The following USP34 variants were observed in gnomAD, a reference collection of about 807,000 sequenced individuals.
USP34 encodes the protein ubiquitin specific peptidase 34, also known as ubiquitin carboxyl-terminal hydrolase 34.
USP34 carries 70 observed loss-of-function variants against 460.3 expected under a neutral mutation model. The observed-to-expected ratio is 0.15, with a 90% confidence interval of 0.13 to 0.19. The LOEUF (loss-of-function observed/expected upper bound fraction) is 0.19. Among genes scored for constraint, USP34 ranks in the 10% least tolerant of loss-of-function variants. USP34 has a pLI of 1.00. For missense variants in USP34, 3,985 were observed against 4,236.2 expected, an observed-to-expected ratio of 0.94 and a Z score of 1.65; for synonymous variants, 1,647 against 1,405.3, an observed-to-expected ratio of 1.17 and a Z score of -3.85.
intron 66 of USP34, among the ~76,000 whole-genome samples, chr2:61,221,294 C>T (rs934976207): frequency 1.3e-5 from 2 of 152,106 alleles, no homozygotes; most frequent in Non-Finnish European, 2.9e-5. Flanking sequence ...ATGAAAACTT[C>T]AAATTGGCTA....
chr2:61,200,024 T>C (rs1572829464), intron 75 of USP34: 1 of 152,494 alleles, frequency 6.6e-6, no homozygotes, highest in African/African-American at 2.4e-5. Context: ...CATTGCTCTT[T>C]TTCGAGAGCT....
At chr2:61,363,668 G>A (rs1367960860) in intron 10 of USP34, among the ~76,000 whole-genome samples, 2 of 152,168 alleles carry the variant, frequency 1.3e-5, no homozygotes, top group South Asian at 2.1e-4. Flanking sequence ...TGTATGTGGT[G>A]TGTTGTTGAC....
intron 68 of USP34, among the ~76,000 whole-genome samples, chr2:61,212,910 T>C (rs1302872267): frequency 6.6e-6 from 1 of 152,204 alleles, no homozygotes; most frequent in African/African-American, 2.4e-5. Flanking sequence ...TACTGAAACT[T>C]AATAAATCCT....
chr2:61,422,213 T>C (rs559446020), intron 1 of USP34, among the ~76,000 whole-genome samples: 1 of 152,300 alleles, frequency 6.6e-6, no homozygotes, highest in East Asian at 1.9e-4. Flanking sequence ...ATTGTATGAT[T>C]TCAACAAGGT....
chr2:61,297,718 C>A (rs928651012), intron 29 of USP34, among the ~76,000 whole-genome samples: 5 of 152,146 alleles, frequency 3.3e-5, no homozygotes, highest in African/African-American at 1.2e-4. Context: ...ATGGCAGAAA[C>A]ATGGTGCACT....
intron 8 of USP34, among the ~76,000 whole-genome samples, chr2:61,371,145 C>A (rs543643587): frequency 1.4e-4 from 21 of 152,044 alleles, no homozygotes; most frequent in African/African-American, 3.9e-4. Flanking sequence ...CAACAGTGGT[C>A]CCATAAGATT....
rs370729896 is a variant in USP34 at position 61,395,239 on chromosome 2, TAA to T, written c.553-8_553-7del. On this transcript the variant is annotated splice_polypyrimidine_tract_variant and splice_region_variant and intron_variant, in intron 3 of 79. Transcript: ENST00000398571. ...CTTTCTTGAGTTGATATATCCTAAT[TAA>T]AAAAAAAAAAGCAAGTAAAATTAGG... 350 of 1,139,828 alleles carry T rather than the reference TAA, an allele frequency of 3.1e-4. No individual in the cohort carries two copies. Among genetic ancestry groups the T allele is most frequent in the Middle Eastern group, 6.3e-4 (3 of 4,778 alleles). The allele number at this position is 1,139,828 out of a possible 1,614,324, so 70.6% of individuals were successfully genotyped here.
At chr2:61,332,562 T>G (rs1476245359) in intron 19 of USP34, among the ~76,000 whole-genome samples, 1 of 152,008 alleles carries the variant, frequency 6.6e-6, no homozygotes, top group Non-Finnish European at 1.5e-5. Context: ...ATGAACCACC[T>G]CCACTGACTA....
intron 75 of USP34, among the ~76,000 whole-genome samples, chr2:61,201,348 G>C (rs1313516090): frequency 6.6e-6 from 1 of 150,882 alleles, no homozygotes; most frequent in Non-Finnish European, 1.5e-5. Flanking sequence ...CTCCCAAGTA[G>C]CTGCAACTAC....
chr2:61,300,835 A>T, intron 29 of USP34, 116 bp downstream of exon 29: 3 of 669,478 alleles, frequency 4.5e-6, no homozygotes, highest in Non-Finnish European at 6.7e-6. Context: ...AAAAAAAAAA[A>T]GGAGAGAAAA....
intron 5 of USP34, among the ~76,000 whole-genome samples, chr2:61,392,782 CTGAT>C (rs1435745222): frequency 6.6e-6 from 1 of 152,034 alleles, no homozygotes; most frequent in African/African-American, 2.4e-5. Flanking sequence ...TGTAATATTC[CTGAT>C]TAAGTAAACC....
intron 1 of USP34, among the ~76,000 whole-genome samples, chr2:61,446,317 C>A (rs1695115635): frequency 6.6e-6 from 1 of 152,024 alleles, no homozygotes; most frequent in African/African-American, 2.4e-5. Context: ...CCATCATATA[C>A]TGTCCTGATT....
At position 61,467,090 on chromosome 2, in the gene USP34, G is replaced by A. The variant is rs560090123; in HGVS notation, c.43+3560C>T. On this transcript the variant is annotated intron_variant, in intron 1 of 79. Transcript: ENST00000398571. ...GGAGACGGAAGCGGGTAGATCACAC[G>A]GTAAGGAGTTCAGACCAGCCTGGCC... is the stretch of plus-strand genomic sequence containing the variant. 2.5e-4 allele frequency among the ~76,000 whole-genome samples: 38 copies of A among 151,952 alleles called. No homozygotes were observed. The South Asian group carries it at 4.6e-3, about 18-fold the overall frequency.
At chr2:61,280,778 G>C (rs375519930) in intron 38 of USP34, among the ~76,000 whole-genome samples, 1 of 152,122 alleles carries the variant, frequency 6.6e-6, no homozygotes, top group Non-Finnish European at 1.5e-5. Flanking sequence ...CTAGAGAAGA[G>C]AGCTCCATTT....
At chr2:61,345,745 C>T (rs1691747769) in intron 15 of USP34, among the ~76,000 whole-genome samples, 1 of 152,154 alleles carries the variant, frequency 6.6e-6, no homozygotes, top group African/African-American at 2.4e-5. Context: ...AGCGATCCTT[C>T]CACCTCAGCC....
intron 73 of USP34, 42 bp downstream of exon 73, chr2:61,204,455 A>C: frequency 6.2e-7 from 1 of 1,612,950 alleles, no homozygotes; most frequent in Non-Finnish European, 8.5e-7. Context: ...AGAACGATTA[A>C]ATGCGAACCA....
chr2:61,348,813 C>T lies in USP34; in HGVS notation c.1617G>A (p.Met539Ile). 1 of 1,613,878 alleles carries T rather than the reference C, an allele frequency of 6.2e-7. No individual in the cohort carries two copies. The highest frequency in any genetic ancestry group is 1.1e-5 in the South Asian group (1 of 91,054). ...TGGTTCTATTAATAAGTTGCTCATC[C>T]ATTTCAATGTCACTACCTCCACTTT... is the stretch of plus-strand genomic sequence containing the variant. ...THQSGGSDIE[M>I]DEQLINRTKH... is the part of the protein sequence containing the mutation. The change falls in exon 14 of 80, where the codon ATG (methionine) becomes ATA (isoleucine). Residue 539 changes from methionine (M) to isoleucine (I), a missense_variant. By Grantham distance (10) the Met-to-Ile change is conservative (BLOSUM62 1). Coordinates refer to ENST00000398571, the MANE Select transcript of USP34 (RefSeq NM_014709.4).
chr2:61,249,141 T>C (rs1688502630), intron 48 of USP34, among the ~76,000 whole-genome samples: 1 of 152,244 alleles, frequency 6.6e-6, no homozygotes. Flanking sequence ...ATTTTACAGA[T>C]TTTAGCAACC....
intron 10 of USP34, among the ~76,000 whole-genome samples, chr2:61,359,741 C>A (rs557876526): frequency 6.6e-6 from 1 of 150,830 alleles, no homozygotes; most frequent in South Asian, 2.1e-4. Flanking sequence ...AAGGAACTTA[C>A]CTCAGCATAA....
Sources: gnomAD v4.1 joint callset for allele counts (sites outside exome capture counted in the v4.1 genomes callset) on GRCh38, gnomAD v4.1.1 for gene constraint, MANE v1.5 for transcripts, NCBI Gene and HGNC (gene_info 2026-07-23, HGNC 2026-07-21) for gene names.